The following MME variants were observed in gnomAD, a reference collection of about 807,000 sequenced individuals.
MME encodes neprilysin.
Under a neutral mutation model 113.2 loss-of-function variants are expected in MME, and 98 were observed. The observed-to-expected ratio is 0.87, with a 90% CI of 0.74 to 1.02. MME has a LOEUF of 1.02. Among genes scored for constraint, MME ranks in the 50% least tolerant of loss-of-function variants. The probability of loss-of-function intolerance (pLI) is 0.00; values close to 1 mark genes in which losing one functional copy is unlikely to be tolerated. For synonymous variants in MME, 292 were observed against 300.6 expected (o/e 0.97, Z 0.30); for missense variants, 836 against 896.0 (o/e 0.93, Z 0.86).
intron 22 of MME, 59 bp downstream of exon 22, chr3:155,172,671 T>A: frequency 7.7e-7 from 1 of 1,290,500 alleles, no homozygotes; most frequent in African/African-American, 1.5e-5. Flanking sequence ...GCTTCCACAT[T>A]TGGAATTTAG....
At chr3:155,178,084 C>A (rs890629632) in intron 22 of MME, among the ~76,000 whole-genome samples, 3 of 152,176 alleles carry the variant, frequency 2.0e-5, no homozygotes, top group Admixed American at 6.6e-5. Context: ...ATTCACACAA[C>A]CTGCCATTAC....
intron 2 of MME, 144 bp downstream of exon 2, chr3:155,084,471 C>A: frequency 1.2e-6 from 1 of 809,154 alleles, no homozygotes; most frequent in Non-Finnish European, 2.0e-6. Context: ...AATGTAACAT[C>A]AATATGTCAA....
chr3:155,087,255 T>G (rs1414224271), intron 3 of MME, among the ~76,000 whole-genome samples: 3 of 151,876 alleles, frequency 2.0e-5, no homozygotes, highest in Non-Finnish European at 2.9e-5. Context: ...TTTGGTTTTT[T>G]TTTTTTTTTG....
At chr3:155,088,274 A>G (rs1715946191) in intron 3 of MME, among the ~76,000 whole-genome samples, 1 of 152,212 alleles carries the variant, frequency 6.6e-6, no homozygotes, top group Non-Finnish European at 1.5e-5. Context: ...ACAGAAAAAT[A>G]CAACTATTTC....
chr3:155,174,354 G>C (rs888879788), intron 22 of MME, among the ~76,000 whole-genome samples: 2 of 149,466 alleles, frequency 1.3e-5, no homozygotes, highest in Non-Finnish European at 3.0e-5. Flanking sequence ...GTGTGTGTGT[G>C]TGTGTGTGTG....
intron 22 of MME, among the ~76,000 whole-genome samples, chr3:155,173,572 GTCATCATCATCA>G (rs71624560): frequency 6.7e-6 from 1 of 149,868 alleles, no homozygotes; most frequent in Non-Finnish European, 1.5e-5. Context: ...TATCATCGTT[GTCATCATCATCA>G]TCATCATCAT....
At chr3:155,113,219 A>G (rs538802922) in intron 3 of MME, among the ~76,000 whole-genome samples, 30 of 152,196 alleles carry the variant, frequency 2.0e-4, no homozygotes, top group Non-Finnish European at 4.1e-4. Context: ...AACCACCAAA[A>G]GAGGAAAAGG....
intron 3 of MME, among the ~76,000 whole-genome samples, chr3:155,100,901 T>C (rs945475470): frequency 1.3e-5 from 2 of 152,196 alleles, no homozygotes; most frequent in African/African-American, 4.8e-5. Context: ...TGAAACTTTT[T>C]GATGTAGCTT....
At chr3:155,092,639 A>G (rs1307740026) in intron 3 of MME, among the ~76,000 whole-genome samples, 1 of 152,242 alleles carries the variant, frequency 6.6e-6, no homozygotes, top group Non-Finnish European at 1.5e-5. Flanking sequence ...ACAAAATGCC[A>G]TATAGCTATA....
At chr3:155,174,498 C>T (rs1409779305) in intron 22 of MME, among the ~76,000 whole-genome samples, 1 of 151,896 alleles carries the variant, frequency 6.6e-6, no homozygotes, top group African/African-American at 2.4e-5. Context: ...GTTTTGGAAA[C>T]AGGCCACTTC....
intron 17 of MME, among the ~76,000 whole-genome samples, chr3:155,162,251 C>T (rs889566464): frequency 1.3e-5 from 2 of 152,172 alleles, no homozygotes; most frequent in Admixed American, 6.5e-5. Flanking sequence ...CAAGCAGGAC[C>T]TTGTTTGATT....
At chr3:155,140,410 C>CTTTTTTTTTTTTTTTTTTTTTTTTTT (rs35653282) in intron 10 of MME, 118 bp downstream of exon 10, 1 of 215,666 alleles carries the variant, frequency 4.6e-6, no homozygotes, top group African/African-American at 4.3e-5. Flanking sequence ...ACTTCAATTC[C>CTTTTTTTTTTTTTTTTTTTTTTTTTT]TTTTTTTTTT....
In MME at chr3:155,147,180, G is replaced by T. The variant is rs376959268; in HGVS notation, c.1453G>T (p.Asp485Tyr). Residue 485 changes from aspartate to tyrosine, a missense_variant, in exon 15 of 23, where the codon GAC (aspartate) becomes TAC (tyrosine). Transcript: ENST00000360490. ...AIKERIGYPD[D>Y]IVSNDNKLNN... Reference sequence around the variant, plus strand: ...TAAAGAAAGGATCGGCTATCCTGATGACATTGTTTCAAATGATAACAAACT... The same window carrying T: ...TAAAGAAAGGATCGGCTATCCTGATTACATTGTTTCAAATGATAACAAACT... The T allele has an allele frequency of 6.2e-7, 1 of 1,609,014 alleles. No individual in the cohort carries two copies.
chr3:155,050,288 T>C (rs1234254222), intron 1 of MME, among the ~76,000 whole-genome samples: 2 of 152,232 alleles, frequency 1.3e-5, no homozygotes, highest in African/African-American at 4.8e-5. Flanking sequence ...AGTTTTGTGA[T>C]GAACATATGC....
At chr3:155,128,088 G>A (rs746917304) in intron 8 of MME, among the ~76,000 whole-genome samples, 1 of 152,138 alleles carries the variant, frequency 6.6e-6, no homozygotes, top group African/African-American at 2.4e-5. Context: ...TCTTCTTAAG[G>A]TAGTGCTTCA....
chr3:155,115,045 T>G lies in MME; in HGVS notation c.248T>G (p.Phe83Cys), dbSNP rs1280205688. ...GCCACCACTGAGCCTTGTACAGACT[T>G]TTTCAAATATGCTTGCGGAGGCTGG... ...MDATTEPCTD[F>C]FKYACGGWLK... The change falls in exon 4 of 23, where the codon TTT becomes TGT. Residue 83 changes from phenylalanine (F) to cysteine (C), a missense_variant. By Grantham distance (205) the Phe-to-Cys change is radical (BLOSUM62 -2). Transcript: ENST00000360490. 6.2e-7 allele frequency: 1 copy of G among 1,614,138 alleles called. No individual in the cohort carries two copies. The highest frequency in any genetic ancestry group is 8.5e-7 in the Non-Finnish European group (1 of 1,180,016).
chr3:155,107,118 G>A (rs1717752882), intron 3 of MME, among the ~76,000 whole-genome samples: 1 of 152,216 alleles, frequency 6.6e-6, no homozygotes, highest in African/African-American at 2.4e-5. Context: ...CACTTTGGGA[G>A]ACTGAGGCGG....
intron 22 of MME, among the ~76,000 whole-genome samples, chr3:155,176,780 C>T (rs1315467910): frequency 6.6e-6 from 1 of 152,106 alleles, no homozygotes; most frequent in Non-Finnish European, 1.5e-5. Context: ...GAGCTGTGAT[C>T]GTGCCTCTAC....
intron 3 of MME, among the ~76,000 whole-genome samples, chr3:155,104,440 C>G (rs896314776): frequency 8.5e-5 from 13 of 152,142 alleles, no homozygotes; most frequent in African/African-American, 2.2e-4. Context: ...TAGAAAAGAG[C>G]CTTTTTAGAA....
Sources: allele counts gnomAD v4.1 joint callset (sites outside exome capture counted in the v4.1 genomes callset), GRCh38; gene constraint gnomAD v4.1.1; transcripts MANE v1.5; gene names NCBI Gene and HGNC (gene_info 2026-07-23, HGNC 2026-07-21).